OR9Q1: variants seen among roughly 807,000 people sequenced by gnomAD.
OR9Q1 encodes olfactory receptor family 9 subfamily Q member 1.
For synonymous variants in OR9Q1, 153 were observed against 148.6 expected (o/e 1.03, Z -0.22); for missense variants, 374 against 378.8 (o/e 0.99, Z 0.11).
In OR9Q1 at chr11:58,053,627, A is replaced by ATATAATATATATATAT. The variant is rs1491279836; in HGVS notation, c.-92-2243_-92-2242insTATAATATATATATAT. 6.8e-5 allele frequency among the ~76,000 whole-genome samples: 7 copies of ATATAATATATATATAT among 103,314 alleles called. No individual in the cohort carries two copies. The East Asian group carries it at 2.2e-3, about 32-fold the overall frequency. 67.8% of individuals were successfully genotyped at this position (103,314 alleles called of 152,430 possible). ...AAAATTAAAAAATATATATATATAT[A>ATATAATATATATATAT]AAATATATATATATATAAATTATAT... On this transcript the variant is annotated intron_variant, in intron 1 of 2. Coordinates refer to ENST00000335397, the MANE Select transcript of OR9Q1 (RefSeq NM_001005212.4).
intron 2 of OR9Q1, among the ~76,000 whole-genome samples, chr11:58,080,901 T>C (rs1390605388): frequency 6.6e-6 from 1 of 152,142 alleles, no homozygotes; most frequent in Non-Finnish European, 1.5e-5. Context: ...ATGTGCCATG[T>C]TGGTTTGCTG....
intron 2 of OR9Q1, among the ~76,000 whole-genome samples, chr11:58,106,376 G>GAT (rs1279450419): frequency 2.6e-5 from 4 of 151,726 alleles, no homozygotes; most frequent in African/African-American, 7.3e-5. Context: ...GCCGGAGTTC[G>GAT]ATATATATTT....
At chr11:58,110,517 C>T (rs1853888918) in intron 2 of OR9Q1, among the ~76,000 whole-genome samples, 1 of 152,078 alleles carries the variant, frequency 6.6e-6, no homozygotes, top group Non-Finnish European at 1.5e-5. Flanking sequence ...AGTGATTCCT[C>T]CCAATAATCC....
intron 2 of OR9Q1, among the ~76,000 whole-genome samples, chr11:58,100,559 T>C (rs1386023238): frequency 6.6e-6 from 1 of 152,146 alleles, no homozygotes; most frequent in East Asian, 1.9e-4. Flanking sequence ...TATGGTGTTT[T>C]TCCCCTTCCT....
At chr11:58,131,490 T>A (rs1225849717) in intron 2 of OR9Q1, among the ~76,000 whole-genome samples, 1 of 152,064 alleles carries the variant, frequency 6.6e-6, no homozygotes, top group Non-Finnish European at 1.5e-5. Flanking sequence ...AGGATGTATA[T>A]CACAGTGTCT....
At position 58,118,516 on chromosome 11, in the gene OR9Q1, A is replaced by T. The variant is rs534539102; in HGVS notation, c.-14-60915A>T. On this transcript the variant is annotated intron_variant, in intron 2 of 2. Transcript: ENST00000335397. ...TACTTAGATCTACATGCTCAGGGAC[A>T]CCTGGAGTCTCCTAGCGACCTTTCT... 18 of 1,603,238 alleles carry T rather than the reference A, an allele frequency of 1.1e-5. No homozygotes were observed. In the African/African-American group the frequency reaches 2.3e-4, roughly 20 times the overall value.
intron 2 of OR9Q1, chr11:58,117,935 C>T (rs558676431): frequency 1.3e-5 from 2 of 152,424 alleles, no homozygotes; most frequent in African/African-American, 4.8e-5. Context: ...AAGCGGGTGA[C>T]ACAAGTCTCT....
chr11:58,103,203 C>T (rs111745882), intron 2 of OR9Q1, among the ~76,000 whole-genome samples: 5,328 of 152,058 alleles, frequency 0.035, 129 homozygotes, highest in Non-Finnish European at 0.046. Context: ...CTTCACATGG[C>T]GGCAGCAAGG....
intron 2 of OR9Q1, chr11:58,118,920 G>A (rs765416819): frequency 8.7e-6 from 14 of 1,614,036 alleles, no homozygotes; most frequent in Non-Finnish European, 1.2e-5. Flanking sequence ...AGAAGAAGAA[G>A]TTTATTTGAT....
intron 2 of OR9Q1, chr11:58,117,264 C>A (rs1035120711): frequency 6.6e-6 from 1 of 152,088 alleles, no homozygotes; most frequent in Non-Finnish European, 1.5e-5. Flanking sequence ...TGTTTTAGGT[C>A]TGCAAAATTA....
chr11:58,047,963 T>C (rs1853235359), intron 1 of OR9Q1, among the ~76,000 whole-genome samples: 1 of 152,148 alleles, frequency 6.6e-6, no homozygotes. Context: ...AGGCATCTTA[T>C]CTCTGCACAC....
intron 2 of OR9Q1, among the ~76,000 whole-genome samples, chr11:58,155,736 C>A (rs1280045373): frequency 6.6e-6 from 1 of 152,176 alleles, no homozygotes; most frequent in South Asian, 2.1e-4. Flanking sequence ...GGTATAATAA[C>A]TTCACCTGCT....
chr11:58,034,821 C>CCTTCCTTCCTTCCTTG, intron 1 of OR9Q1, among the ~76,000 whole-genome samples: 1 of 138,998 alleles, frequency 7.2e-6, no homozygotes, highest in African/African-American at 2.7e-5. Flanking sequence ...TTCCTTCCTT[C>CCTTCCTTCCTTCCTTG]CTTGCTTCCT....
intron 2 of OR9Q1, among the ~76,000 whole-genome samples, chr11:58,079,165 G>C (rs1372578030): frequency 2.6e-5 from 4 of 152,100 alleles, no homozygotes; most frequent in African/African-American, 7.2e-5. Flanking sequence ...AGGCCCTAGA[G>C]ACTACAGCAG....
chr11:58,167,703 C>A (rs1854518399), intron 2 of OR9Q1, among the ~76,000 whole-genome samples: 1 of 152,136 alleles, frequency 6.6e-6, no homozygotes, highest in African/African-American at 2.4e-5. Context: ...GGTTGCCTGG[C>A]TGCAGGTAGT....
At chr11:58,130,707 G>T (rs1854132970) in intron 2 of OR9Q1, among the ~76,000 whole-genome samples, 1 of 151,902 alleles carries the variant, frequency 6.6e-6, no homozygotes, top group South Asian at 2.1e-4. Context: ...CTGCTATGTT[G>T]GGAGGTTAAG....
chr11:58,106,501 T>C (rs78908496), intron 2 of OR9Q1, among the ~76,000 whole-genome samples: 1 of 152,178 alleles, frequency 6.6e-6, no homozygotes, highest in Admixed American at 6.5e-5. Context: ...TTTGGTTTGA[T>C]GTAGTTCCAC....
intron 2 of OR9Q1, among the ~76,000 whole-genome samples, chr11:58,105,335 T>C (rs1853829761): frequency 6.6e-6 from 1 of 152,304 alleles, no homozygotes; most frequent in South Asian, 2.1e-4. Flanking sequence ...TTTATACCTT[T>C]ATTGAGGTAT....
chr11:58,037,410 A>G (rs1270828216), intron 1 of OR9Q1, among the ~76,000 whole-genome samples: 1 of 151,932 alleles, frequency 6.6e-6, no homozygotes, highest in Admixed American at 6.6e-5. Flanking sequence ...ATGCCTGTAG[A>G]CTTTCAGGCA....
Sources: gnomAD v4.1 joint callset for allele counts (sites outside exome capture counted in the v4.1 genomes callset) on GRCh38, gnomAD v4.1.1 for gene constraint, MANE v1.5 for transcripts, NCBI Gene and HGNC (gene_info 2026-07-23, HGNC 2026-07-21) for gene names.